Variants in ATP6V1E2 observed in about 807,000 individuals in gnomAD.
ATP6V1E2 encodes V-type proton ATPase subunit E 2.
For synonymous variants in ATP6V1E2, 121 were observed against 104.2 expected (o/e 1.16, Z -0.98); for missense variants, 308 against 273.3 (o/e 1.13, Z -0.90).
At position 46,536,711 on chromosome 2, in the gene ATP6V1E2, T is replaced by C. The variant is rs1667461148; in HGVS notation, c.-309-8A>G. ...CCTGTATTGACAATCCACCTGAAATTTGGAACAAATCACAGATTAGATTTG... is the reference window on the plus strand; with the variant it reads ...CCTGTATTGACAATCCACCTGAAATCTGGAACAAATCACAGATTAGATTTG... On this transcript the variant is annotated splice_region_variant and splice_polypyrimidine_tract_variant and intron_variant, in intron 2 of 4. Transcript: ENST00000522587. 1 of 152,234 alleles carries C rather than the reference T, an allele frequency of 6.6e-6. No homozygotes were observed. Among genetic ancestry groups the C allele is most frequent in the African/African-American group, 2.4e-5 (1 of 41,454 alleles). The allele number at this position is 152,234 out of a possible 1,614,324, so 9.4% of individuals were successfully genotyped here. A position where few individuals can be genotyped will look rare whatever the true frequency, so the allele number is the denominator to read the frequency against.
chr2:46,522,270 G>A (rs56665981), intron 4 of ATP6V1E2, among the ~76,000 whole-genome samples: 10 of 148,754 alleles, frequency 6.7e-5, no homozygotes, highest in Non-Finnish European at 1.3e-4. Context: ...GGCGACAGAC[G>A]GAGACTCTGT....
chr2:46,524,816 A>G (rs1384996038), intron 4 of ATP6V1E2, among the ~76,000 whole-genome samples: 1 of 152,182 alleles, frequency 6.6e-6, no homozygotes, highest in Non-Finnish European at 1.5e-5. Context: ...GTTTGGCAGT[A>G]GTCAAGAGAC....
intron 1 of ATP6V1E2, chr2:46,541,906 A>T (rs945340401): frequency 3.9e-5 from 6 of 152,238 alleles, no homozygotes; most frequent in African/African-American, 1.4e-4. Context: ...ACCTTTGAGG[A>T]ACATTGGGGA....
intron 4 of ATP6V1E2, 51 bp from the exon 5 acceptor site, chr2:46,512,863 G>T: frequency 1.5e-6 from 1 of 669,426 alleles, no homozygotes; most frequent in Non-Finnish European, 2.5e-6. Context: ...CTATAGAGGA[G>T]GATTACAGAG....
chr2:46,514,494 A>G (rs1687624159), intron 4 of ATP6V1E2, among the ~76,000 whole-genome samples: 1 of 152,108 alleles, frequency 6.6e-6, no homozygotes, highest in Non-Finnish European at 1.5e-5. Context: ...AGAACCAAAC[A>G]AATTTTGGAG....
Position 46,512,731 on chromosome 2 carries a change from G to A in ATP6V1E2, c.-20C>T, listed in dbSNP as rs371965958. 88 of 1,591,230 alleles carry A rather than the reference G, an allele frequency of 5.5e-5. No homozygotes were observed. The African/African-American group carries it at 6.9e-4, about 12-fold the overall frequency. ...GGCCATGGCTGCTCTCAGAGGGGAC[G>A]GCAGAGAGGGAGCTCGTACACCGTT... On this transcript the variant is annotated 5_prime_UTR_variant, in exon 5 of 5. Transcript: ENST00000522587.
rs1667146471 is a variant in ATP6V1E2 at position 46,530,824 on chromosome 2, T to G, written c.-102+4989A>C. Among the ~76,000 whole-genome samples the G allele has an allele frequency of 6.6e-6, 1 of 152,194 alleles. No homozygotes were observed. The highest frequency in any genetic ancestry group is 1.5e-5 in the Non-Finnish European group (1 of 68,024). On this transcript the variant is annotated intron_variant, in intron 4 of 4. Transcript: ENST00000522587. This position sits in a 1 kb window ranked among gnomAD's most constrained non-coding sequence, Gnocchi z 5.2. The stretch of plus-strand genomic sequence containing the variant: ...GAAAGCTTGTACAGGGGAACTCCCC[T>G]TTGTAAAACCATCAGATCTCATGAG...
At chr2:46,516,200 C>G (rs1442745199) in intron 4 of ATP6V1E2, among the ~76,000 whole-genome samples, 2 of 152,136 alleles carry the variant, frequency 1.3e-5, no homozygotes, top group East Asian at 3.8e-4. Context: ...ATATGCAGAG[C>G]CTTCCACCCA....
At chr2:46,517,490 C>T (rs758315617) in intron 4 of ATP6V1E2, among the ~76,000 whole-genome samples, 1 of 152,110 alleles carries the variant, frequency 6.6e-6, no homozygotes, top group Non-Finnish European at 1.5e-5. Context: ...AATGAGATTG[C>T]ATAAAATTTA....
intron 2 of ATP6V1E2, 105 bp downstream of exon 2, chr2:46,541,285 C>A (rs1257992351): frequency 2.6e-5 from 4 of 152,284 alleles, no homozygotes. Context: ...CTTCCAGATT[C>A]ATTGCATCTA....
chr2:46,523,731 T>C (rs1666755782), intron 4 of ATP6V1E2, among the ~76,000 whole-genome samples: 1 of 152,112 alleles, frequency 6.6e-6, no homozygotes, highest in African/African-American at 2.4e-5. Flanking sequence ...TTTGATTCCA[T>C]ATAAAATTTA....
intron 4 of ATP6V1E2, among the ~76,000 whole-genome samples, chr2:46,525,816 G>C (rs1168112442): frequency 6.6e-6 from 1 of 151,778 alleles, no homozygotes; most frequent in Non-Finnish European, 1.5e-5. Flanking sequence ...TCTGCAGACA[G>C]CTTACTTCAA....
At chr2:46,528,455 G>A (rs1040306016) in intron 4 of ATP6V1E2, among the ~76,000 whole-genome samples, 4 of 152,232 alleles carry the variant, frequency 2.6e-5, no homozygotes, top group African/African-American at 9.6e-5. Context: ...CATGGCATAT[G>A]AGCAGTTTAT....
chr2:46,534,753 G>C (rs1391665961), intron 4 of ATP6V1E2: 1 of 98,828 alleles, frequency 1.0e-5, no homozygotes, highest in Non-Finnish European at 2.0e-5. Flanking sequence ...GGCTTAGTTA[G>C]CCCTTCTCCT....
At chr2:46,533,839 T>A (rs1468697820) in intron 4 of ATP6V1E2, among the ~76,000 whole-genome samples, 2 of 152,238 alleles carry the variant, frequency 1.3e-5, no homozygotes, top group Non-Finnish European at 2.9e-5. Flanking sequence ...GGATATAGAA[T>A]TCTAGATTGA....
At chr2:46,512,886 C>A (rs1687540547) in intron 4 of ATP6V1E2, 74 bp from the exon 5 acceptor site, 1 of 584,698 alleles carries the variant, frequency 1.7e-6, no homozygotes. Flanking sequence ...TGTATATATA[C>A]CCCTCACTTC....
intron 4 of ATP6V1E2, among the ~76,000 whole-genome samples, chr2:46,517,808 C>A (rs951723609): frequency 8.6e-5 from 13 of 152,040 alleles, no homozygotes; most frequent in African/African-American, 3.1e-4. Context: ...TTACTCCTGA[C>A]AGGATGGTCA....
chr2:46,514,313 A>AAGAAAAC (rs1446770460), intron 4 of ATP6V1E2, among the ~76,000 whole-genome samples: 1 of 151,904 alleles, frequency 6.6e-6, no homozygotes, highest in Non-Finnish European at 1.5e-5. Flanking sequence ...AAAAAGAAAA[A>AAGAAAAC]AGGAAATACA....
intron 4 of ATP6V1E2, among the ~76,000 whole-genome samples, chr2:46,525,794 C>T (rs1313516420): frequency 6.6e-6 from 1 of 152,096 alleles, no homozygotes; most frequent in Non-Finnish European, 1.5e-5. Flanking sequence ...CTGAATTTCT[C>T]CTTCTAAAAC....
Sources: gnomAD v4.1 joint callset for allele counts (sites outside exome capture counted in the v4.1 genomes callset) on GRCh38, gnomAD v4.1.1 for gene constraint, Gnocchi (gnomAD v3.1) non-coding constraint, MANE v1.5 for transcripts, NCBI Gene and HGNC (gene_info 2026-07-23, HGNC 2026-07-21) for gene names.